The following COL8A1 variants were observed in gnomAD, a reference collection of about 807,000 sequenced individuals.
COL8A1 encodes collagen alpha-1(VIII) chain.
COL8A1 carries 21 observed loss-of-function variants against 42.7 expected under a neutral mutation model. The observed-to-expected ratio is 0.49, with a 90% confidence interval of 0.35 to 0.71. COL8A1 has a LOEUF of 0.71. Among genes scored for constraint, COL8A1 ranks in the 30% least tolerant of loss-of-function variants. COL8A1 has a pLI of 0.01. For missense variants in COL8A1, 788 were observed against 962.4 expected, an observed-to-expected ratio of 0.82 and a Z score of 2.40; for synonymous variants, 367 against 369.1, an observed-to-expected ratio of 0.99 and a Z score of 0.06.
At chr3:99,730,062 A>G (rs73860462) in intron 1 of COL8A1, among the ~76,000 whole-genome samples, 2 of 152,276 alleles carry the variant, frequency 1.3e-5, no homozygotes, top group East Asian at 1.9e-4. Flanking sequence ...GATGATGTCA[A>G]TGGGATAAGA....
intron 1 of COL8A1, among the ~76,000 whole-genome samples, chr3:99,734,550 T>C (rs1323141914): frequency 1.3e-5 from 2 of 152,054 alleles, no homozygotes; most frequent in East Asian, 3.8e-4. Flanking sequence ...TTGGTTACTG[T>C]AGCCTTGTAG....
intron 2 of COL8A1, among the ~76,000 whole-genome samples, chr3:99,779,913 G>A (rs1941765384): frequency 6.6e-6 from 1 of 152,126 alleles, no homozygotes; most frequent in African/African-American, 2.4e-5. Flanking sequence ...CAAGAACATT[G>A]AGCCAGGGGA....
intron 2 of COL8A1, among the ~76,000 whole-genome samples, chr3:99,765,465 CT>C (rs1384485835): frequency 2.5e-4 from 38 of 152,322 alleles, no homozygotes; most frequent in Admixed American, 1.6e-3. Flanking sequence ...TATAGCAGGA[CT>C]GCTGTATCCA....
chr3:99,734,495 T>C (rs1161938702), intron 1 of COL8A1, among the ~76,000 whole-genome samples: 3 of 151,810 alleles, frequency 2.0e-5, no homozygotes, highest in Non-Finnish European at 4.4e-5. Context: ...CTCTGTTCTC[T>C]TCCATTGAAC....
At chr3:99,686,159 A>G (rs903844547) in intron 1 of COL8A1, among the ~76,000 whole-genome samples, 1 of 151,356 alleles carries the variant, frequency 6.6e-6, no homozygotes, top group African/African-American at 2.4e-5. Context: ...AAATTTAAAC[A>G]ACATGTCGCA....
chr3:99,696,085 G>A (rs1468999376), intron 1 of COL8A1, among the ~76,000 whole-genome samples: 2 of 152,216 alleles, frequency 1.3e-5, no homozygotes, highest in Non-Finnish European at 2.9e-5. Context: ...AATGAGCCAA[G>A]ATTGCACCAC....
At chr3:99,762,148 G>A (rs1157409084) in intron 2 of COL8A1, among the ~76,000 whole-genome samples, 4 of 152,122 alleles carry the variant, frequency 2.6e-5, no homozygotes, top group Non-Finnish European at 5.9e-5. Flanking sequence ...TAATAAAAAT[G>A]GTAATAGATA....
At chr3:99,739,052 C>G (rs944370523) in intron 1 of COL8A1, among the ~76,000 whole-genome samples, 39 of 152,316 alleles carry the variant, frequency 2.6e-4, no homozygotes, top group African/African-American at 9.4e-4. Context: ...TTGCGCTTCC[C>G]AAGTGAGGCA....
chr3:99,724,534 T>C (rs1940247577), intron 1 of COL8A1, among the ~76,000 whole-genome samples: 1 of 152,110 alleles, frequency 6.6e-6, no homozygotes, highest in Non-Finnish European at 1.5e-5. Context: ...TATTTCTTTG[T>C]GTTTATAGTC....
At chr3:99,758,533 A>G (rs1296722407) in intron 2 of COL8A1, among the ~76,000 whole-genome samples, 1 of 152,220 alleles carries the variant, frequency 6.6e-6, no homozygotes, top group Non-Finnish European at 1.5e-5. Context: ...TATTGAAAAG[A>G]ACCACAGTTT....
intron 1 of COL8A1, among the ~76,000 whole-genome samples, chr3:99,739,841 A>G (rs557316599): frequency 2.0e-5 from 3 of 152,116 alleles, no homozygotes; most frequent in Non-Finnish European, 4.4e-5. Flanking sequence ...CTCATTGCTT[A>G]TGCAAATTTC....
At chr3:99,735,673 G>A (rs894774920) in intron 1 of COL8A1, among the ~76,000 whole-genome samples, 1 of 150,174 alleles carries the variant, frequency 6.7e-6, no homozygotes, top group Non-Finnish European at 1.5e-5. Context: ...CATAAAATGA[G>A]TTAGGGAGGA....
At chr3:99,732,603 G>T (rs1197926055) in intron 1 of COL8A1, among the ~76,000 whole-genome samples, 1 of 152,082 alleles carries the variant, frequency 6.6e-6, no homozygotes, top group Non-Finnish European at 1.5e-5. Context: ...TCCCTCCCAT[G>T]ACACATGGGG....
chr3:99,736,883 C>T (rs1342020976), intron 1 of COL8A1, among the ~76,000 whole-genome samples: 2 of 152,028 alleles, frequency 1.3e-5, no homozygotes, highest in Non-Finnish European at 2.9e-5. Flanking sequence ...CTTTGTAGGT[C>T]ATTCAGGACT....
intron 1 of COL8A1, among the ~76,000 whole-genome samples, chr3:99,670,778 G>T (rs1449417446): frequency 6.6e-6 from 1 of 151,804 alleles, no homozygotes; most frequent in Non-Finnish European, 1.5e-5. Flanking sequence ...CATACCCTCA[G>T]CCCCTGCTAA....
intron 2 of COL8A1, among the ~76,000 whole-genome samples, chr3:99,753,679 G>A (rs1941197528): frequency 1.3e-5 from 2 of 152,100 alleles, no homozygotes; most frequent in Admixed American, 1.3e-4. Flanking sequence ...TGTTCAAAAT[G>A]AGATCCCTTA....
At chr3:99,646,337 G>A (rs1292083739) in intron 1 of COL8A1, among the ~76,000 whole-genome samples, 1 of 152,156 alleles carries the variant, frequency 6.6e-6, no homozygotes, top group East Asian at 1.9e-4. Context: ...AAGCTATGGA[G>A]TTGGTGTGCA....
chr3:99,696,768 G>C (rs1671496533), intron 1 of COL8A1, among the ~76,000 whole-genome samples: 1 of 152,150 alleles, frequency 6.6e-6, no homozygotes, highest in African/African-American at 2.4e-5. Flanking sequence ...GACTACCAGA[G>C]TTTAAGGTTG....
chr3:99,685,791 C>T (rs1282327217), intron 1 of COL8A1, among the ~76,000 whole-genome samples: 2 of 152,066 alleles, frequency 1.3e-5, no homozygotes, highest in African/African-American at 4.8e-5. Flanking sequence ...AATAAGAGTG[C>T]TAGTTTATTT....
Sources: allele counts gnomAD v4.1 joint callset (sites outside exome capture counted in the v4.1 genomes callset), GRCh38; gene constraint gnomAD v4.1.1; transcripts MANE v1.5; gene names NCBI Gene and HGNC (gene_info 2026-07-23, HGNC 2026-07-21).